Variants in ABCA5 observed in about 807,000 individuals in gnomAD.
The protein encoded by ABCA5 is cholesterol transporter ABCA5.
A neutral mutation model predicts 206.0 loss-of-function variants in ABCA5; 163 were observed. That is an observed-to-expected ratio of 0.79 (90% CI 0.70 to 0.90). ABCA5 has a LOEUF of 0.90. Ranked by LOEUF, ABCA5 falls within the 40% of genes least tolerant of loss-of-function variation. The pLI is 0.00. For synonymous variants in ABCA5, 609 were observed against 613.8 expected (o/e 0.99, Z 0.11); for missense variants, 1,859 against 1,912.9 (o/e 0.97, Z 0.53).
Position 69,247,458 on chromosome 17 carries a change from A to T in ABCA5, c.*79T>A. 1 of 946,744 alleles carries T rather than the reference A, an allele frequency of 1.1e-6. No individual in the cohort carries two copies. The allele number at this position is 946,744 out of a possible 1,614,324, so 58.6% of individuals were successfully genotyped here. ...TTCTTGGTTCTCCAGTTACCATTCC[A>T]ATAAAAAACTTTTTAAACCAAAGTT... On this transcript the variant is annotated 3_prime_UTR_variant, in exon 39 of 39. Transcript: ENST00000392676.
At chr17:69,284,156 T>C (rs1350881469) in intron 17 of ABCA5, 84 bp from the exon 18 acceptor site, 3 of 1,195,588 alleles carry the variant, frequency 2.5e-6, no homozygotes, top group Non-Finnish European at 3.3e-6. Flanking sequence ...AATAAGTTCA[T>C]GAACAGCCTG....
At chr17:69,298,056 C>T (rs2075601892) in intron 9 of ABCA5, among the ~76,000 whole-genome samples, 1 of 151,912 alleles carries the variant, frequency 6.6e-6, no homozygotes, top group African/African-American at 2.4e-5. Flanking sequence ...TGCGGTGGTG[C>T]ATGCCTGTAG....
chr17:69,279,353 C>T (rs2144956527), intron 18 of ABCA5, among the ~76,000 whole-genome samples: 1 of 152,240 alleles, frequency 6.6e-6, no homozygotes, highest in South Asian at 2.1e-4. Context: ...TCAAGGAGAA[C>T]TACAAACTGC....
intron 1 of ABCA5, 171 bp from the exon 2 acceptor site, chr17:69,314,601 G>C (rs893278133): frequency 3.4e-5 from 17 of 500,336 alleles, no homozygotes; most frequent in Non-Finnish European, 4.9e-5. Context: ...CAATCTGTCA[G>C]CTCTGAAAAG....
Position 69,248,172 on chromosome 17 carries a change from A to G in ABCA5, c.4821+90T>C, listed in dbSNP as rs1598142221. ...TGTACCAATTTGTCACTGGTTTACGATATCTCTCCCTCTCTAATATAAACC... is the reference window on the plus strand; with the variant it reads ...TGTACCAATTTGTCACTGGTTTACGGTATCTCTCCCTCTCTAATATAAACC... On this transcript the variant is annotated intron_variant, in intron 38 of 38. Transcript: ENST00000392676. The G allele has an allele frequency of 6.9e-6, 5 of 729,874 alleles. No individual in the cohort carries two copies. The East Asian group carries it at 8.6e-5, about 13-fold the overall frequency. The allele number at this position is 729,874 out of a possible 1,614,324, so 45.2% of individuals were successfully genotyped here.
At chr17:69,296,271 A>G (rs1256813788) in intron 10 of ABCA5, among the ~76,000 whole-genome samples, 2 of 152,206 alleles carry the variant, frequency 1.3e-5, no homozygotes, top group Non-Finnish European at 2.9e-5. Context: ...CCACTGGCCA[A>G]TGAATTACAT....
At chr17:69,322,277 G>A (rs112930942) in intron 1 of ABCA5, among the ~76,000 whole-genome samples, 2,319 of 146,792 alleles carry the variant, frequency 0.016, 24 homozygotes, top group Non-Finnish European at 0.023. Flanking sequence ...GGCTGAGGCA[G>A]GAGAATCACT....
At chr17:69,282,634 TG>T (rs1567765319) in intron 18 of ABCA5, among the ~76,000 whole-genome samples, 1 of 151,698 alleles carries the variant, frequency 6.6e-6, no homozygotes, top group Non-Finnish European at 1.5e-5. Flanking sequence ...CTGGGCGTGG[TG>T]GTGGGCGCCT....
intron 28 of ABCA5, among the ~76,000 whole-genome samples, chr17:69,257,577 T>C (rs549302076): frequency 6.6e-6 from 1 of 151,700 alleles, no homozygotes; most frequent in East Asian, 1.9e-4. Context: ...ATTTTGGCTA[T>C]GAAAGGAAAG....
chr17:69,253,724 T>A, intron 33 of ABCA5, 57 bp from the exon 34 acceptor site: 18 of 1,579,592 alleles, frequency 1.1e-5, no homozygotes, highest in Non-Finnish European at 1.5e-5. Flanking sequence ...ATAAGGAATC[T>A]ATCAAGACAA....
chr17:69,291,228 G>A lies in ABCA5; in HGVS notation c.1594C>T (p.Pro532Ser). Residue 532 changes from proline (P) to serine (S), a missense_variant, in exon 12 of 39, where the codon CCA becomes TCA. Physicochemically the swap from Pro to Ser is moderately conservative, Grantham distance 74. Transcript: ENST00000392676. ...TLMNILCGLC[P>S]PSDGFASIYG... ...ACAGAAAACTCACCATCAGAAGGTG[G>A]GCAGAGTCCACAAAGAATATTCATC... The A allele has an allele frequency of 1.3e-6, 2 of 1,594,350 alleles. No individual in the cohort carries two copies. The highest frequency in any genetic ancestry group is 1.7e-6 in the Non-Finnish European group (2 of 1,168,792).
chr17:69,314,018 A>G (rs184599886), intron 2 of ABCA5, among the ~76,000 whole-genome samples: 127 of 152,328 alleles, frequency 8.3e-4, no homozygotes, highest in African/African-American at 3.0e-3. Flanking sequence ...AATCAAAGTT[A>G]TTGTGGAATG....
At position 69,261,733 on chromosome 17, in the gene ABCA5, C is replaced by T; in HGVS notation, c.3331G>A (p.Gly1111Ser). The T allele has an allele frequency of 6.9e-7, 1 of 1,447,048 alleles. No homozygotes were observed. Among genetic ancestry groups the T allele is most frequent in the Non-Finnish European group, 9.2e-7 (1 of 1,085,164 alleles). 89.6% of individuals were successfully genotyped at this position (1,447,048 alleles called of 1,614,324 possible). ...AACAGAATAACTGATGGAACATAAC[C>T]AATAAGGCAAAAAACCTGTAAATCA... ...KFLAVVFCLI[G>S]YVPSVILFTY... The change falls in exon 25 of 39, where the codon GGT becomes AGT. Residue 1111 changes from glycine (G) to serine (S), a missense_variant. Physicochemically the swap from Gly to Ser is moderately conservative, Grantham distance 56 (BLOSUM62 0). Coordinates refer to ENST00000392676, the MANE Select transcript of ABCA5 (RefSeq NM_172232.4).
At chr17:69,283,919 A>G (rs1468353896) in intron 18 of ABCA5, 34 bp downstream of exon 18, 2 of 1,592,284 alleles carry the variant, frequency 1.3e-6, no homozygotes, top group East Asian at 2.3e-5. Flanking sequence ...TGTCTGATTC[A>G]TTGCCTAAAA....
At chr17:69,320,975 T>C (rs1307595827) in intron 1 of ABCA5, among the ~76,000 whole-genome samples, 2 of 152,080 alleles carry the variant, frequency 1.3e-5, no homozygotes, top group African/African-American at 2.4e-5. Context: ...TACCTGTCCT[T>C]TGGGGAGAAG....
intron 28 of ABCA5, among the ~76,000 whole-genome samples, chr17:69,259,204 T>C (rs988577105): frequency 3.9e-5 from 6 of 151,980 alleles, no homozygotes; most frequent in Non-Finnish European, 8.8e-5. Context: ...TAAAAGCAAC[T>C]CATTAAGATA....
chr17:69,304,823 T>A lies in ABCA5; in HGVS notation c.789-13A>T. Reference sequence around the variant, plus strand: ...AACCCAGGAAAGCCTAAAATGAGAATACAGATATAGTTATGGTCAAATGCA... The same window carrying A: ...AACCCAGGAAAGCCTAAAATGAGAAAACAGATATAGTTATGGTCAAATGCA... On this transcript the variant is annotated splice_polypyrimidine_tract_variant and intron_variant, in intron 6 of 38. Coordinates refer to ENST00000392676, the MANE Select transcript of ABCA5 (RefSeq NM_172232.4). The A allele has an allele frequency of 2.5e-6, 4 of 1,578,296 alleles. No individual in the cohort carries two copies. The highest frequency in any genetic ancestry group is 3.4e-6 in the Non-Finnish European group (4 of 1,165,178).
chr17:69,299,105 C>A (rs1373922615), intron 9 of ABCA5, among the ~76,000 whole-genome samples: 2 of 152,082 alleles, frequency 1.3e-5, no homozygotes, highest in Non-Finnish European at 2.9e-5. Context: ...AGATCAAAAC[C>A]ACAATGTGAT....
At chr17:69,293,870 G>T (rs199727268) in intron 11 of ABCA5, among the ~76,000 whole-genome samples, 11,155 of 88,866 alleles carry the variant, frequency 0.13, 786 homozygotes, top group East Asian at 0.4. Context: ...GTGTGTGTGT[G>T]TGCGTGTGTG....
Sources: gnomAD v4.1 joint callset for allele counts (sites outside exome capture counted in the v4.1 genomes callset) on GRCh38, gnomAD v4.1.1 for gene constraint, MANE v1.5 for transcripts, NCBI Gene and HGNC (gene_info 2026-07-23, HGNC 2026-07-21) for gene names.